Variants in ZMYM2 observed in about 807,000 individuals in gnomAD.
ZMYM2 encodes the protein zinc finger MYM-type containing 2.
In ZMYM2, 56 loss-of-function variants were observed where a neutral mutation model predicts 162.8. That is an observed-to-expected ratio of 0.34 (90% CI 0.28 to 0.43). The LOEUF (loss-of-function observed/expected upper bound fraction) is 0.43, where lower values mean the gene tolerates loss of function less well. Among genes scored for constraint, ZMYM2 ranks in the 20% least tolerant of loss-of-function variants. The pLI, the probability that ZMYM2 is intolerant of heterozygous loss-of-function variation, is 1.00. For synonymous variants in ZMYM2, 510 were observed against 541.6 expected (o/e 0.94, Z 0.81); for missense variants, 1,275 against 1,621.8 (o/e 0.79, Z 3.67).
chr13:20,061,370 A>ACGTC, intron 17 of ZMYM2, 146 bp downstream of exon 17: 1 of 651,294 alleles, frequency 1.5e-6, no homozygotes, highest in Non-Finnish European at 2.2e-6. Flanking sequence ...TTTTTATATT[A>ACGTC]AGAGATCTAC....
At chr13:19,959,164 C>T (rs1372945929) in intron 1 of ZMYM2, among the ~76,000 whole-genome samples, 2 of 136,282 alleles carry the variant, frequency 1.5e-5, no homozygotes, top group Non-Finnish European at 3.2e-5. Context: ...GCGGGGGTCG[C>T]GGGGCCGGCG....
At chr13:19,975,374 T>A (rs1956691856) in intron 2 of ZMYM2, among the ~76,000 whole-genome samples, 1 of 152,198 alleles carries the variant, frequency 6.6e-6, no homozygotes, top group South Asian at 2.1e-4. Flanking sequence ...CCTGGTAACT[T>A]CTGTTCTACC....
intron 9 of ZMYM2, among the ~76,000 whole-genome samples, chr13:20,029,741 T>A (rs1325227572): frequency 2.6e-5 from 4 of 152,198 alleles, no homozygotes; most frequent in Admixed American, 6.5e-5. Context: ...CCATTCAGAT[T>A]AGGAATTAGA....
chr13:20,052,277 A>G lies in ZMYM2; in HGVS notation c.2459A>G (p.Asp820Gly), dbSNP rs772493349. The change falls in exon 14 of 25, where the codon GAT becomes GGT. Residue 820 changes from aspartate (D) to glycine (G), a missense_variant and splice_region_variant. By Grantham distance (94) the Asp-to-Gly change is moderately conservative. Around this residue, in one of 10 missense-constraint regions of ZMYM2, gnomAD observed 177 missense variants for 228.0 expected, o/e 0.78. Transcript: ENST00000610343. ...TTTTAAATTTTTTTGTGTTTTTTAG[A>G]TCAGGGTTGTCAGACATCTCGAACC... Reference protein sequence around the residue: ...TQKGPENLHYDQGCQTSRTKM... With the variant: ...TQKGPENLHYGQGCQTSRTKM... 1 of 1,561,368 alleles carries G rather than the reference A, an allele frequency of 6.4e-7. No homozygotes were observed. Among genetic ancestry groups the G allele is most frequent in the Admixed American group, 1.9e-5 (1 of 52,412 alleles).
Position 20,026,692 on chromosome 13 carries a change from T to G in ZMYM2, c.1665T>G (p.Asn555Lys), listed in dbSNP as rs762897579. The G allele has an allele frequency of 1.9e-6, 3 of 1,609,960 alleles. No individual in the cohort carries two copies. The Admixed American group carries it at 5.1e-5, about 27-fold the overall frequency. Residue 555 changes from asparagine to lysine, a missense_variant, in exon 8 of 25, where the codon AAT becomes AAG. This residue lies in a region of ZMYM2 where 276 missense variants were observed against 311.8 expected (regional missense o/e 0.89). Coordinates refer to ENST00000610343, the MANE Select transcript of ZMYM2 (RefSeq NM_197968.4). ...ATATGACTCAGTGTATAGGTCCTAA[T>G]GGATATATGGAGCCATATTGTTCAA... ...FFDMTQCIGP[N>K]GYMEPYCSTA...
At chr13:19,865,070 T>A in the ZMYM2 span, 1 of 152,288 alleles carries the variant, frequency 6.6e-6, no homozygotes, top group Non-Finnish European at 1.5e-5. Flanking sequence ...CCGTTTTACT[T>A]CTGTGGTATG....
intron 6 of ZMYM2, among the ~76,000 whole-genome samples, chr13:20,010,793 A>G (rs1951111143): frequency 6.6e-6 from 1 of 150,872 alleles, no homozygotes; most frequent in South Asian, 2.1e-4. Context: ...GGTGCGTGCC[A>G]CCACACCTGG....
the ZMYM2 span, among the ~76,000 whole-genome samples, chr13:19,922,578 C>T: frequency 6.6e-6 from 1 of 152,168 alleles, no homozygotes; most frequent in South Asian, 2.1e-4. Context: ...GATGTCGTGG[C>T]TCACGCCTGT....
intron 21 of ZMYM2, among the ~76,000 whole-genome samples, chr13:20,073,054 C>T (rs1957212287): frequency 6.6e-6 from 1 of 151,934 alleles, no homozygotes; most frequent in Admixed American, 6.6e-5. Flanking sequence ...ATTACAGGTG[C>T]CTGCCACCAC....
At chr13:20,065,198 T>G (rs1312392125) in intron 19 of ZMYM2, among the ~76,000 whole-genome samples, 1 of 151,946 alleles carries the variant, frequency 6.6e-6, no homozygotes, top group Non-Finnish European at 1.5e-5. Flanking sequence ...AAGATAGCTT[T>G]CACAAATTGT....
At chr13:19,939,924 C>CTACT in the ZMYM2 span, among the ~76,000 whole-genome samples, 1 of 152,112 alleles carries the variant, frequency 6.6e-6, no homozygotes, top group African/African-American at 2.4e-5. Flanking sequence ...ACTCTGTGGA[C>CTACT]TACTACACAA....
the ZMYM2 span, among the ~76,000 whole-genome samples, chr13:19,909,758 C>G: frequency 6.6e-6 from 1 of 152,028 alleles, no homozygotes; most frequent in Non-Finnish European, 1.5e-5. Flanking sequence ...TCAGAACTTG[C>G]TGTTTCCAGT....
the ZMYM2 span, among the ~76,000 whole-genome samples, chr13:19,895,076 C>CAAAAAAAAAA: frequency 1.2e-5 from 1 of 83,746 alleles, no homozygotes; most frequent in Non-Finnish European, 2.2e-5. Context: ...AACTCCATCT[C>CAAAAAAAAAA]AAAAAAAAAA....
the ZMYM2 span, among the ~76,000 whole-genome samples, chr13:19,951,231 G>A: frequency 6.6e-6 from 1 of 152,048 alleles, no homozygotes; most frequent in South Asian, 2.1e-4. Context: ...GCAGACAAAT[G>A]AGATACATTA....
At chr13:19,927,680 C>A in the ZMYM2 span, among the ~76,000 whole-genome samples, 670 of 152,266 alleles carry the variant, frequency 4.4e-3, 1 homozygote, top group Admixed American at 9.3e-3. Flanking sequence ...GATTGCTTGG[C>A]TATAGATATG....
chr13:20,039,751 CAGGCGTG>C (rs1430899932), intron 12 of ZMYM2, among the ~76,000 whole-genome samples: 1 of 152,160 alleles, frequency 6.6e-6, no homozygotes, highest in Non-Finnish European at 1.5e-5. Flanking sequence ...GCTGGGATTA[CAGGCGTG>C]AGCCACCGTC....
chr13:19,915,953 G>A, the ZMYM2 span, among the ~76,000 whole-genome samples: 745 of 150,964 alleles, frequency 4.9e-3, 8 homozygotes, highest in African/African-American at 0.018. Context: ...TCCGCCTCCC[G>A]GGTTCACGCC....
intron 18 of ZMYM2, among the ~76,000 whole-genome samples, chr13:20,063,797 A>AT: frequency 3.8e-5 from 1 of 26,394 alleles, no homozygotes; most frequent in South Asian, 1.0e-3. Flanking sequence ...TATATATATA[A>AT]AAAATATATA....
the ZMYM2 span, among the ~76,000 whole-genome samples, chr13:19,866,116 G>C: frequency 6.6e-6 from 1 of 151,434 alleles, no homozygotes; most frequent in Non-Finnish European, 1.5e-5. Flanking sequence ...CAGCTATTTG[G>C]GAGGCTGAGG....
Sources: gnomAD v4.1 joint callset for allele counts (sites outside exome capture counted in the v4.1 genomes callset) on GRCh38, gnomAD v4.1.1 for gene constraint, gnomAD v4.1.1 regional missense constraint, MANE v1.5 for transcripts, NCBI Gene and HGNC (gene_info 2026-07-23, HGNC 2026-07-21) for gene names.